The following TACC1 variants were observed in gnomAD, a reference collection of about 807,000 sequenced individuals.
The protein encoded by TACC1 is transforming acidic coiled-coil-containing protein 1.
In TACC1, 48 loss-of-function variants were observed where a neutral mutation model predicts 84.4. That is an observed-to-expected ratio of 0.57 (90% CI 0.45 to 0.72). The LOEUF (loss-of-function observed/expected upper bound fraction) is 0.72, where lower values mean the gene tolerates loss of function less well. Among genes scored for constraint, TACC1 ranks in the 30% least tolerant of loss-of-function variants. TACC1 has a pLI of 0.00. For missense variants in TACC1, 920 were observed against 973.0 expected, an observed-to-expected ratio of 0.95 and a Z score of 0.72; for synonymous variants, 372 against 376.3, an observed-to-expected ratio of 0.99 and a Z score of 0.13.
At chr8:38,845,761 G>A (rs2152334246) in intron 11 of TACC1, among the ~76,000 whole-genome samples, 1 of 152,306 alleles carries the variant, frequency 6.6e-6, no homozygotes, top group African/African-American at 2.4e-5. Context: ...AAATTGCCCT[G>A]GTGACTACCA....
chr8:38,772,103 A>G (rs551413148), intron 3 of TACC1, among the ~76,000 whole-genome samples: 4 of 152,344 alleles, frequency 2.6e-5, no homozygotes, highest in Admixed American at 2.0e-4. Flanking sequence ...ATCCATTAAA[A>G]CACATTCAAA....
At chr8:38,742,320 G>A (rs1807228891) in intron 1 of TACC1, 1 of 1,001,634 alleles carries the variant, frequency 1.0e-6, no homozygotes, top group Admixed American at 3.2e-5. Context: ...GATTAAGCAT[G>A]TGACTCCCAC....
chr8:38,791,322 G>C (rs1023928835), intron 2 of TACC1, among the ~76,000 whole-genome samples: 4 of 152,262 alleles, frequency 2.6e-5, no homozygotes, highest in African/African-American at 9.6e-5. Flanking sequence ...GGTAGTTCAT[G>C]AATGCAGACT....
chr8:38,773,324 CA>C (rs950196896), intron 3 of TACC1, among the ~76,000 whole-genome samples: 16 of 146,634 alleles, frequency 1.1e-4, no homozygotes, highest in Admixed American at 2.0e-4. Flanking sequence ...AACTCCGTCT[CA>C]AAAAAAAATT....
intron 3 of TACC1, among the ~76,000 whole-genome samples, chr8:38,821,939 TGCTAGG>T (rs1212751335): frequency 6.6e-6 from 1 of 151,972 alleles, no homozygotes; most frequent in African/African-American, 2.4e-5. Context: ...ACTGAATAGG[TGCTAGG>T]TGTGGTGGCT....
intron 2 of TACC1, chr8:38,742,482 TG>T: frequency 6.7e-7 from 1 of 1,483,096 alleles, no homozygotes; most frequent in Non-Finnish European, 9.0e-7. Context: ...TGAATATACC[TG>T]GGATGGATTT....
chr8:38,787,307 G>A lies in TACC1; in HGVS notation c.-276G>A. 1 of 1,193,866 alleles carries A rather than the reference G, an allele frequency of 8.4e-7. No individual in the cohort carries two copies. Among genetic ancestry groups the A allele is most frequent in the Non-Finnish European group, 1.0e-6 (1 of 961,506 alleles). The allele number at this position is 1,193,866 out of a possible 1,614,324, so 74.0% of individuals were successfully genotyped here. On this transcript the variant is annotated 5_prime_UTR_variant, in exon 1 of 13. Transcript: ENST00000317827. Reference sequence around the variant, plus strand: ...CGCCGCGGGCCGGGGGCCTGAGGAGGCCACAGGACGGGCGTCTTCCCGGCT... The same window carrying A: ...CGCCGCGGGCCGGGGGCCTGAGGAGACCACAGGACGGGCGTCTTCCCGGCT...
intron 3 of TACC1, among the ~76,000 whole-genome samples, chr8:38,767,438 A>T (rs1587437575): frequency 6.6e-6 from 1 of 152,216 alleles, no homozygotes; most frequent in African/African-American, 2.4e-5. Context: ...TTGATACCCA[A>T]AGCAGAGATT....
At chr8:38,836,046 TC>T in intron 6 of TACC1, 115 bp from the exon 7 acceptor site, 1 of 1,416,792 alleles carries the variant, frequency 7.1e-7, no homozygotes, top group African/African-American at 1.4e-5. Context: ...CGCTGACTTT[TC>T]TTTAAACATG....
chr8:38,846,641 G>T, intron 11 of TACC1, 58 bp from the exon 12 acceptor site: 2 of 1,603,488 alleles, frequency 1.2e-6, no homozygotes, highest in South Asian at 2.2e-5. Context: ...GACTGGCTTT[G>T]ACTAGTGGCT....
At chr8:38,806,799 A>T (rs758736658) in intron 2 of TACC1, among the ~76,000 whole-genome samples, 15 of 152,128 alleles carry the variant, frequency 9.9e-5, no homozygotes, top group Non-Finnish European at 1.5e-4. Flanking sequence ...TCAAAAACTC[A>T]GTTCTATTCT....
At chr8:38,843,419 T>A in intron 11 of TACC1, 24 bp downstream of exon 11, 1 of 1,541,866 alleles carries the variant, frequency 6.5e-7, no homozygotes, top group Non-Finnish European at 8.9e-7. Context: ...AATGTTGAAT[T>A]TCACTCTTCA....
chr8:38,796,126 G>A (rs577878325), intron 2 of TACC1, among the ~76,000 whole-genome samples: 2 of 152,312 alleles, frequency 1.3e-5, no homozygotes, highest in East Asian at 1.9e-4. Context: ...TTGGGAACAA[G>A]TAATCTTTGT....
chr8:38,804,522 A>G (rs1245779482), intron 2 of TACC1, among the ~76,000 whole-genome samples: 2 of 152,148 alleles, frequency 1.3e-5, no homozygotes, highest in African/African-American at 4.8e-5. Context: ...CCTGGTCTCA[A>G]ACTCCTGACC....
chr8:38,782,738 T>A (rs1816286166), upstream of TACC1, among the ~76,000 whole-genome samples: 1 of 152,218 alleles, frequency 6.6e-6, no homozygotes, highest in Admixed American at 6.5e-5. Flanking sequence ...ATAGAAGATA[T>A]TTCTAAATTT....
chr8:38,792,312 T>G (rs1256043721), intron 2 of TACC1, among the ~76,000 whole-genome samples: 1 of 152,206 alleles, frequency 6.6e-6, no homozygotes, highest in African/African-American at 2.4e-5. Context: ...CTGTTTTGTT[T>G]TGCTTTGAGA....
chr8:38,780,988 A>C (rs914856766), intron 3 of TACC1, among the ~76,000 whole-genome samples: 1 of 152,196 alleles, frequency 6.6e-6, no homozygotes, highest in African/African-American at 2.4e-5. Context: ...AATTCCCCCA[A>C]ATCCCTAGAC....
chr8:38,835,020 G>A (rs543502088), intron 6 of TACC1, among the ~76,000 whole-genome samples: 108 of 152,258 alleles, frequency 7.1e-4, no homozygotes, highest in Admixed American at 2.2e-3. Context: ...TTGGGAGGCC[G>A]AGGCAGGCAG....
intron 2 of TACC1, among the ~76,000 whole-genome samples, chr8:38,744,419 C>A (rs974430657): frequency 6.6e-6 from 1 of 152,126 alleles, no homozygotes; most frequent in African/African-American, 2.4e-5. Flanking sequence ...CCGAGCCTGA[C>A]ACTTCTATTT....
Sources: allele counts gnomAD v4.1 joint callset (sites outside exome capture counted in the v4.1 genomes callset), GRCh38; gene constraint gnomAD v4.1.1; transcripts MANE v1.5; gene names NCBI Gene and HGNC (gene_info 2026-07-23, HGNC 2026-07-21).